The following DMP1 variants were observed in gnomAD, a reference collection of about 807,000 sequenced individuals.
DMP1 encodes dentin matrix protein 1.
Under a neutral mutation model 14.6 loss-of-function variants are expected in DMP1, and 20 were observed. That is an observed-to-expected ratio of 1.37 (90% CI 0.96 to 1.99). The LOEUF (loss-of-function observed/expected upper bound fraction) is 1.99. Among genes scored for constraint, DMP1 ranks in the 30% most tolerant of loss-of-function variants. The pLI is 0.00. For synonymous variants in DMP1, 197 were observed against 215.3 expected (o/e 0.91, Z 0.75); for missense variants, 567 against 620.5 (o/e 0.91, Z 0.92).
At position 87,663,092 on chromosome 4, in the gene DMP1, C is replaced by G. The variant is rs1359716911; in HGVS notation, c.1314C>G (p.Ser438Arg). ...SSQEGLQSHS[S>R]SAESQSEESH... Reference sequence around the variant, plus strand: ...AGGAGGGCCTCCAGTCTCACAGCAGCTCAGCAGAGAGTCAGAGCGAGGAAA... The same window carrying G: ...AGGAGGGCCTCCAGTCTCACAGCAGGTCAGCAGAGAGTCAGAGCGAGGAAA... The change falls in exon 6 of 6, where the codon AGC (serine) becomes AGG (arginine). Residue 438 changes from serine (S) to arginine (R), a missense_variant. Coordinates refer to ENST00000339673, the MANE Select transcript of DMP1 (RefSeq NM_004407.4). 2.5e-6 allele frequency: 4 copies of G among 1,614,214 alleles called. No individual in the cohort carries two copies. In the Admixed American group the frequency reaches 6.7e-5, roughly 27 times the overall value.
rs1728960452 is a variant in DMP1 at position 87,662,918 on chromosome 4, C to G, written c.1140C>G (p.Asp380Glu). The change falls in exon 6 of 6, where the codon GAC (aspartate) becomes GAG (glutamate). Residue 380 changes from aspartate to glutamate, a missense_variant. By Grantham distance (45) the Asp-to-Glu change is conservative. Transcript: ENST00000339673. The stretch of plus-strand genomic sequence containing the variant: ...CTAGTTATGTAGAAGACCAGGAAGA[C>G]AGTGACTCCAGCGAGGAGGACAGCT... The part of the protein sequence containing the change: ...PTTSYVEDQE[D>E]SDSSEEDSSH... 6.2e-7 allele frequency: 1 copy of G among 1,614,034 alleles called. No individual in the cohort carries two copies. The highest frequency in any genetic ancestry group is 1.3e-5 in the African/African-American group (1 of 74,912).
At position 87,662,306 on chromosome 4, in the gene DMP1, C is replaced by A; in HGVS notation, c.528C>A (p.Ser176Arg). The change falls in exon 6 of 6, where the codon AGC becomes AGA. Residue 176 changes from serine to arginine, a missense_variant. By Grantham distance (110) the Ser-to-Arg change is moderately radical. Coordinates refer to ENST00000339673, the MANE Select transcript of DMP1 (RefSeq NM_004407.4). Reference protein sequence around the residue: ...RELDNEDRVDSKPEGGDSTQE... With the variant: ...RELDNEDRVDRKPEGGDSTQE... ...TTGACAATGAGGACCGGGTGGACAG[C>A]AAGCCTGAGGGAGGTGACTCCACTC... 1 of 1,614,018 alleles carries A rather than the reference C, an allele frequency of 6.2e-7. No individual in the cohort carries two copies. The highest frequency in any genetic ancestry group is 8.5e-7 in the Non-Finnish European group (1 of 1,179,998).
intron 1 of DMP1, among the ~76,000 whole-genome samples, chr4:87,655,255 G>A (rs1270958970): frequency 6.6e-6 from 1 of 152,182 alleles, no homozygotes; most frequent in Non-Finnish European, 1.5e-5. Context: ...TACTAGTGCA[G>A]GGTAAATTGC....
chr4:87,660,030 G>T (rs1169096141), intron 5 of DMP1, among the ~76,000 whole-genome samples: 2 of 152,164 alleles, frequency 1.3e-5, no homozygotes, highest in Non-Finnish European at 2.9e-5. Context: ...CTTAAAGCTG[G>T]CATTCTTTTT....
intron 5 of DMP1, 102 bp from the exon 6 acceptor site, chr4:87,661,860 G>A: frequency 1.9e-6 from 3 of 1,598,802 alleles, no homozygotes; most frequent in Non-Finnish European, 2.6e-6. Context: ...TTAGAGGAGG[G>A]GATGTAGGGC....
chr4:87,655,678 G>C (rs1728667665), intron 1 of DMP1, among the ~76,000 whole-genome samples: 1 of 152,080 alleles, frequency 6.6e-6, no homozygotes, highest in African/African-American at 2.4e-5. Context: ...TTGTGTGTGT[G>C]TGTGTGTATG....
chr4:87,660,977 T>C (rs1728846143), intron 5 of DMP1, among the ~76,000 whole-genome samples: 1 of 152,238 alleles, frequency 6.6e-6, no homozygotes, highest in Admixed American at 6.5e-5. Context: ...CCAAACACTT[T>C]AATGCATGAG....
intron 2 of DMP1, among the ~76,000 whole-genome samples, chr4:87,656,769 C>T (rs536840167): frequency 6.6e-6 from 1 of 152,282 alleles, no homozygotes; most frequent in East Asian, 1.9e-4. Context: ...ATAAGCAGTG[C>T]TTCTTAAAGT....
At chr4:87,661,898 C>T in intron 5 of DMP1, 64 bp from the exon 6 acceptor site, 1 of 1,613,528 alleles carries the variant, frequency 6.2e-7, no homozygotes, top group Admixed American at 1.7e-5. Context: ...TAGAAAGGCT[C>T]TAGATAACTC....
rs777572570 is a variant in DMP1, at chr4:87,663,040, C to G, written c.1262C>G (p.Ser421Cys). Residue 421 changes from serine to cysteine, a missense_variant, in exon 6 of 6, where the codon TCC (serine) becomes TGC (cysteine). By Grantham distance (112) the Ser-to-Cys change is moderately radical (BLOSUM62 -1). Coordinates refer to ENST00000339673, the MANE Select transcript of DMP1 (RefSeq NM_004407.4). ...AACTTCTCAGAGGAAAGCCCGGAGT[C>G]CCCTGAGGATGAGAACAGCTCCAGC... ...SLNFSEESPE[S>C]PEDENSSSQE... 1 of 1,614,152 alleles carries G rather than the reference C, an allele frequency of 6.2e-7. No homozygotes were observed. The highest frequency in any genetic ancestry group is 1.1e-5 in the South Asian group (1 of 91,078).
rs1729026574 is a variant in DMP1 at position 87,664,269 on chromosome 4, A to G, written c.*949A>G. 1 of 152,636 alleles carries G rather than the reference A, an allele frequency of 6.6e-6. No homozygotes were observed. Among genetic ancestry groups the G allele is most frequent in the South Asian group, 2.1e-4 (1 of 4,828 alleles). 9.5% of individuals were successfully genotyped at this position (152,636 alleles called of 1,614,324 possible). A position where few individuals can be genotyped will look rare whatever the true frequency, so the allele number is the denominator to read the frequency against. ...CTTTACAGAGCAAAATTCTGTATGTAAGATTCAATTGATTTTTGACAAATA... is the reference window on the plus strand; with the variant it reads ...CTTTACAGAGCAAAATTCTGTATGTGAGATTCAATTGATTTTTGACAAATA... On this transcript the variant is annotated 3_prime_UTR_variant, in exon 6 of 6. Transcript: ENST00000339673.
intron 1 of DMP1, among the ~76,000 whole-genome samples, chr4:87,653,942 G>A (rs1159124731): frequency 6.6e-6 from 1 of 152,148 alleles, no homozygotes; most frequent in African/African-American, 2.4e-5. Flanking sequence ...AGATACAGGA[G>A]AAACTGTCCA....
At chr4:87,661,940 A>G in intron 5 of DMP1, 22 bp from the exon 6 acceptor site, 1 of 1,614,142 alleles carries the variant, frequency 6.2e-7, no homozygotes, top group Non-Finnish European at 8.5e-7. Flanking sequence ...TACTGACCAT[A>G]TCTGTTAACC....
chr4:87,650,478 T>C (rs1259347280), intron 1 of DMP1, 94 bp downstream of exon 1: 1 of 152,228 alleles, frequency 6.6e-6, no homozygotes, highest in East Asian at 1.9e-4. Flanking sequence ...CATTATACCA[T>C]GTAGAGAGAG....
Position 87,663,773 on chromosome 4 carries a change from A to C in DMP1, c.*453A>C, listed in dbSNP as rs1279569692. 1.2e-5 allele frequency: 3 copies of C among 245,468 alleles called. No individual in the cohort carries two copies. The Admixed American group carries it at 1.6e-4, about 13-fold the overall frequency. The allele number at this position is 245,468 out of a possible 1,614,324, so 15.2% of individuals were successfully genotyped here. ...AGAGAAACAAGAATTGTTACAACCC[A>C]GTATGGTGAGTGCCAAGACAGAGAG... On this transcript the variant is annotated 3_prime_UTR_variant, in exon 6 of 6. Coordinates refer to ENST00000339673, the MANE Select transcript of DMP1 (RefSeq NM_004407.4).
chr4:87,664,238 TGA>T lies in DMP1; in HGVS notation c.*920_*921del, dbSNP rs1729025226. ...GCAATGCTAGAAAAAAACTGTTCTC[TGA>T]GTCCTTTACAGAGCAAAATTCTGTA... On this transcript the variant is annotated 3_prime_UTR_variant, in exon 6 of 6. Coordinates refer to ENST00000339673, the MANE Select transcript of DMP1 (RefSeq NM_004407.4). 3.3e-5 allele frequency: 5 copies of T among 152,748 alleles called. No homozygotes were observed. Among genetic ancestry groups the T allele is most frequent in the African/African-American group, 1.2e-4 (5 of 41,570 alleles). The allele number at this position is 152,748 out of a possible 1,614,324, so 9.5% of individuals were successfully genotyped here.
chr4:87,657,153 C>T, intron 3 of DMP1, 74 bp downstream of exon 3: 1 of 889,730 alleles, frequency 1.1e-6, no homozygotes, highest in Non-Finnish European at 1.8e-6. Context: ...GATTTCATTG[C>T]AAATATTGAA....
rs752472758 is a variant in DMP1 at position 87,662,512 on chromosome 4, A to G, written c.734A>G (p.Asn245Ser). 6.2e-7 allele frequency: 1 copy of G among 1,614,210 alleles called. No individual in the cohort carries two copies. The change falls in exon 6 of 6, where the codon AAC (asparagine) becomes AGC (serine). Residue 245 changes from asparagine to serine, a missense_variant. Transcript: ENST00000339673. ...AGMKSKESGE[N>S]SEQANTQDSG... The stretch of plus-strand genomic sequence containing the variant: ...ATGAAATCAAAAGAATCTGGAGAAA[A>G]CAGTGAGCAAGCAAACACTCAAGAT...
Position 87,662,293 on chromosome 4 carries a change from A to G in DMP1, c.515A>G (p.Asp172Gly). 6.2e-7 allele frequency: 1 copy of G among 1,614,104 alleles called. No homozygotes were observed. The highest frequency in any genetic ancestry group is 8.5e-7 in the Non-Finnish European group (1 of 1,180,020). ...GAGAGCAGGGAACTTGACAATGAGG[A>G]CCGGGTGGACAGCAAGCCTGAGGGA... is the stretch of plus-strand genomic sequence containing the variant. ...TSESRELDNE[D>G]RVDSKPEGGD... Residue 172 changes from aspartate to glycine, a missense_variant, in exon 6 of 6, where the codon GAC becomes GGC. By Grantham distance (94) the Asp-to-Gly change is moderately conservative. Transcript: ENST00000339673.
Sources: allele counts gnomAD v4.1 joint callset (sites outside exome capture counted in the v4.1 genomes callset), GRCh38; gene constraint gnomAD v4.1.1; transcripts MANE v1.5; gene names NCBI Gene and HGNC (gene_info 2026-07-23, HGNC 2026-07-21).